The following ARHGAP10 variants were observed in gnomAD, a reference collection of about 807,000 sequenced individuals.
The protein encoded by ARHGAP10 is Rho GTPase activating protein 10, also known as rho GTPase-activating protein 10.
A neutral mutation model predicts 108.6 loss-of-function variants in ARHGAP10; 87 were observed. That is an observed-to-expected ratio of 0.80 (90% CI 0.67 to 0.96). The LOEUF is 0.96. ARHGAP10 is among the 40% of genes least tolerant of loss of function. The pLI is 0.00. For missense variants in ARHGAP10, 939 were observed against 954.5 expected (o/e 0.98, Z 0.21); for synonymous variants, 347 against 341.1 (o/e 1.02, Z -0.19).
chr4:147,860,359 G>C (rs1451463098), intron 5 of ARHGAP10, among the ~76,000 whole-genome samples: 2 of 152,144 alleles, frequency 1.3e-5, no homozygotes, highest in African/African-American at 4.8e-5. Flanking sequence ...GGAGAATGGC[G>C]TGAACCCAGG....
At chr4:147,756,082 A>G (rs1304838350) in intron 1 of ARHGAP10, among the ~76,000 whole-genome samples, 1 of 149,504 alleles carries the variant, frequency 6.7e-6, no homozygotes, top group Non-Finnish European at 1.5e-5. Flanking sequence ...CTTTTTCCTC[A>G]TGGTTGCAAG....
chr4:147,967,393 T>G (rs970651601), intron 18 of ARHGAP10, among the ~76,000 whole-genome samples: 1 of 152,070 alleles, frequency 6.6e-6, no homozygotes, highest in Non-Finnish European at 1.5e-5. Context: ...GAATGACAAG[T>G]AAAGGAGGAG....
chr4:147,839,518 TCA>T (rs931113516), intron 3 of ARHGAP10, among the ~76,000 whole-genome samples: 1 of 152,250 alleles, frequency 6.6e-6, no homozygotes, highest in African/African-American at 2.4e-5. Context: ...ACTGACTTAC[TCA>T]GTTTTACCTA....
chr4:148,028,943 T>C (rs917259541), intron 19 of ARHGAP10, among the ~76,000 whole-genome samples: 5 of 152,230 alleles, frequency 3.3e-5, no homozygotes, highest in African/African-American at 1.2e-4. Flanking sequence ...TTTGTTTTTA[T>C]CTTCAGTTTT....
chr4:147,934,860 A>G (rs981585239), intron 13 of ARHGAP10, among the ~76,000 whole-genome samples: 5 of 152,202 alleles, frequency 3.3e-5, no homozygotes, highest in Non-Finnish European at 7.3e-5. Flanking sequence ...AATGTAATCA[A>G]GTGTTAAATT....
intron 13 of ARHGAP10, among the ~76,000 whole-genome samples, chr4:147,926,683 G>T (rs755082926): frequency 1.3e-5 from 2 of 152,144 alleles, no homozygotes; most frequent in Non-Finnish European, 2.9e-5. Context: ...CTTTGTGAAT[G>T]CTTCTATTTT....
In ARHGAP10 at chr4:148,064,473, A is replaced by G. The variant is rs1273611254; in HGVS notation, c.2238A>G (p.Glu746=). 1.2e-6 allele frequency: 2 copies of G among 1,614,150 alleles called. No homozygotes were observed. The highest frequency in any genetic ancestry group is 1.7e-5 in the Admixed American group (1 of 60,026). The change falls in exon 22 of 23, where the codon GAA becomes GAG. Residue 746 remains glutamate (E), a synonymous_variant. Transcript: ENST00000336498. ...CGTGTGAAGCAGAACACAGCTCGGAATTATCTTTTGAAATAGGAGCAATTT... is the reference window on the plus strand; with the variant it reads ...CGTGTGAAGCAGAACACAGCTCGGAGTTATCTTTTGAAATAGGAGCAATTT... ...VYPCEAEHSS[E]LSFEIGAIFE...
chr4:148,037,705 T>C (rs1345820341), intron 19 of ARHGAP10, among the ~76,000 whole-genome samples: 2 of 151,984 alleles, frequency 1.3e-5, no homozygotes, highest in Non-Finnish European at 2.9e-5. Flanking sequence ...TGTGGTGGCG[T>C]GTGCCTGTAA....
At chr4:147,745,641 A>C (rs1051917573) in intron 1 of ARHGAP10, among the ~76,000 whole-genome samples, 4 of 152,032 alleles carry the variant, frequency 2.6e-5, no homozygotes, top group Non-Finnish European at 4.4e-5. Context: ...ACAGGCGCCC[A>C]CAACCACGCC....
chr4:148,047,492 G>A (rs2149680590), intron 20 of ARHGAP10, among the ~76,000 whole-genome samples: 1 of 152,360 alleles, frequency 6.6e-6, no homozygotes, highest in Middle Eastern at 3.4e-3. Context: ...TTGCTCCATA[G>A]CATCCTGCAG....
At chr4:147,883,151 C>T (rs999117842) in intron 10 of ARHGAP10, among the ~76,000 whole-genome samples, 2 of 152,250 alleles carry the variant, frequency 1.3e-5, no homozygotes, top group Admixed American at 1.3e-4. Flanking sequence ...CCTTAAGCAC[C>T]ATGATAAGTT....
intron 10 of ARHGAP10, among the ~76,000 whole-genome samples, chr4:147,888,150 C>G (rs970317345): frequency 6.6e-6 from 1 of 152,222 alleles, no homozygotes; most frequent in Admixed American, 6.5e-5. Flanking sequence ...TCTTCATTTC[C>G]CAGACCCCTG....
chr4:147,897,927 C>T (rs1043851978), intron 10 of ARHGAP10, among the ~76,000 whole-genome samples: 4 of 152,116 alleles, frequency 2.6e-5, no homozygotes, highest in African/African-American at 9.7e-5. Context: ...GTTCTCAGCT[C>T]ACTGCTAGCT....
chr4:147,835,896 G>T (rs1264370497), intron 3 of ARHGAP10, among the ~76,000 whole-genome samples: 2 of 151,780 alleles, frequency 1.3e-5, no homozygotes, highest in African/African-American at 4.8e-5. Context: ...TTAAAATATC[G>T]AAGCGAGGTT....
intron 19 of ARHGAP10, among the ~76,000 whole-genome samples, chr4:148,042,119 T>C (rs1276754024): frequency 6.6e-6 from 1 of 152,158 alleles, no homozygotes; most frequent in East Asian, 1.9e-4. Flanking sequence ...GGTCTTATTA[T>C]CTCCCTCACC....
chr4:147,989,647 G>C (rs1178243485), intron 18 of ARHGAP10, among the ~76,000 whole-genome samples: 1 of 152,346 alleles, frequency 6.6e-6, no homozygotes, highest in African/African-American at 2.4e-5. Flanking sequence ...CTCACCGGCG[G>C]TCAGAGTTTA....
intron 18 of ARHGAP10, among the ~76,000 whole-genome samples, chr4:147,981,561 A>G (rs1321598058): frequency 6.6e-6 from 1 of 152,202 alleles, no homozygotes; most frequent in Non-Finnish European, 1.5e-5. Context: ...GTAGATGCCT[A>G]TTAGGTCCGG....
intron 18 of ARHGAP10, among the ~76,000 whole-genome samples, chr4:148,009,615 A>G (rs1341529394): frequency 6.6e-6 from 1 of 152,246 alleles, no homozygotes; most frequent in Non-Finnish European, 1.5e-5. Flanking sequence ...CTGTACTGAA[A>G]GAAATTAATT....
chr4:147,979,486 C>T (rs1198380466), intron 18 of ARHGAP10, among the ~76,000 whole-genome samples: 4 of 151,558 alleles, frequency 2.6e-5, no homozygotes. Context: ...GGCTTTGTTC[C>T]TTTTGCTTAG....
Sources: allele counts gnomAD v4.1 joint callset (sites outside exome capture counted in the v4.1 genomes callset), GRCh38; gene constraint gnomAD v4.1.1; transcripts MANE v1.5; gene names NCBI Gene and HGNC (gene_info 2026-07-23, HGNC 2026-07-21).